UNC13C: variants seen among roughly 807,000 people sequenced by gnomAD.
UNC13C encodes protein unc-13 homolog C.
In UNC13C, 174 loss-of-function variants were observed where a neutral mutation model predicts 245.4. The observed-to-expected ratio is 0.71, with a 90% CI of 0.63 to 0.80. The LOEUF (loss-of-function observed/expected upper bound fraction) is 0.80. UNC13C is among the 30% of genes least tolerant of loss of function. The probability of loss-of-function intolerance (pLI) is 0.00; values close to 1 mark genes in which losing one functional copy is unlikely to be tolerated. For synonymous variants in UNC13C, 992 were observed against 895.1 expected, an observed-to-expected ratio of 1.11 and a Z score of -1.93; for missense variants, 2,829 against 2,602.9, an observed-to-expected ratio of 1.09 and a Z score of -1.89.
At position 54,110,114 on chromosome 15, in the gene UNC13C, C is replaced by A. The variant is rs545735037; in HGVS notation, c.2984-32904C>A. On this transcript the variant is annotated intron_variant, in intron 2 of 32. Transcript: ENST00000260323. The stretch of plus-strand genomic sequence containing the variant: ...CCGATATAGTGGAACCCAGTCTCTA[C>A]TAAAAATATAAAAAAATTAGCCAGG... Among the ~76,000 whole-genome samples, 17 of 151,938 alleles carry A rather than the reference C, an allele frequency of 1.1e-4. No homozygotes were observed. In the East Asian group the frequency reaches 3.1e-3, roughly 28 times the overall value.
intron 4 of UNC13C, among the ~76,000 whole-genome samples, chr15:54,189,366 A>G (rs1010078227): frequency 6.6e-6 from 1 of 152,182 alleles, no homozygotes; most frequent in Admixed American, 6.6e-5. Context: ...TGATGGTACG[A>G]TTTTTTTTAA....
intron 19 of UNC13C, among the ~76,000 whole-genome samples, chr15:54,482,035 C>T (rs551272095): frequency 8.3e-4 from 127 of 152,250 alleles, no homozygotes; most frequent in African/African-American, 2.5e-3. Flanking sequence ...GCAGGTGGCT[C>T]TCAAGCCCTG....
the UNC13C span, among the ~76,000 whole-genome samples, chr15:53,857,809 A>G: frequency 1.3e-5 from 2 of 152,194 alleles, no homozygotes; most frequent in African/African-American, 4.8e-5. Flanking sequence ...TATAAATGTT[A>G]TCTGATTAAC....
chr15:53,923,320 T>C, the UNC13C span, among the ~76,000 whole-genome samples: 1 of 152,242 alleles, frequency 6.6e-6, no homozygotes, highest in Non-Finnish European at 1.5e-5. Flanking sequence ...TGGCATATAA[T>C]AGATGCCCAA....
chr15:54,013,200 C>A lies in UNC13C; in HGVS notation c.297C>A (p.Ala99=). ...SPTFSYRVAI[A]NGLQKNAKVT... is the part of the protein sequence containing the mutation. ...CATTCAGTTACCGAGTAGCTATTGC[C>A]AATGGCCTACAAAAGAATGCTAAAG... The change falls in exon 2 of 33, where the codon GCC becomes GCA. Residue 99 remains alanine (A), a synonymous_variant. Coordinates refer to ENST00000260323, the MANE Select transcript of UNC13C (RefSeq NM_001080534.3). 1 of 1,613,776 alleles carries A rather than the reference C, an allele frequency of 6.2e-7. No homozygotes were observed. The highest frequency in any genetic ancestry group is 8.5e-7 in the Non-Finnish European group (1 of 1,179,838).
chr15:54,368,709 A>T (rs1477324608), intron 17 of UNC13C, among the ~76,000 whole-genome samples: 1 of 152,132 alleles, frequency 6.6e-6, no homozygotes, highest in Admixed American at 6.6e-5. Context: ...TATATGACTG[A>T]TATTTGCACT....
At chr15:54,482,621 C>T (rs1281546056) in intron 19 of UNC13C, among the ~76,000 whole-genome samples, 1 of 152,236 alleles carries the variant, frequency 6.6e-6, no homozygotes, top group Non-Finnish European at 1.5e-5. Context: ...CTGAATTCCA[C>T]TGTTCTCTCC....
At chr15:53,888,927 G>C in the UNC13C span, among the ~76,000 whole-genome samples, 1 of 152,172 alleles carries the variant, frequency 6.6e-6, no homozygotes, top group Non-Finnish European at 1.5e-5. Context: ...TTTGGTACCA[G>C]TACCATGCCG....
intron 19 of UNC13C, among the ~76,000 whole-genome samples, chr15:54,426,768 T>A (rs373490518): frequency 6.6e-6 from 1 of 151,946 alleles, no homozygotes; most frequent in African/African-American, 2.4e-5. Flanking sequence ...TTACCCGCCA[T>A]GCAACACTGA....
At chr15:54,580,349 A>T (rs1054539343) in intron 30 of UNC13C, among the ~76,000 whole-genome samples, 1 of 152,222 alleles carries the variant, frequency 6.6e-6, no homozygotes, top group African/African-American at 2.4e-5. Flanking sequence ...AATATAAGGT[A>T]TGTTAAATGG....
chr15:54,552,578 A>G (rs1246200520), intron 28 of UNC13C, among the ~76,000 whole-genome samples: 1 of 20,298 alleles, frequency 4.9e-5, no homozygotes, highest in Non-Finnish European at 9.1e-5. Flanking sequence ...ATATATAATT[A>G]TATTATATTG....
intron 4 of UNC13C, among the ~76,000 whole-genome samples, chr15:54,152,663 T>C (rs2032572253): frequency 6.6e-6 from 1 of 152,152 alleles, no homozygotes; most frequent in Non-Finnish European, 1.5e-5. Flanking sequence ...ACAGAAAATA[T>C]CATGTTACAT....
At chr15:54,235,245 C>T (rs943007283) in intron 5 of UNC13C, 137 bp downstream of exon 5, 2 of 598,166 alleles carry the variant, frequency 3.3e-6, no homozygotes, top group Non-Finnish European at 5.7e-6. Flanking sequence ...ATGCTACCTG[C>T]TGTTATATTT....
intron 17 of UNC13C, among the ~76,000 whole-genome samples, chr15:54,377,932 C>T (rs2140893998): frequency 6.6e-6 from 1 of 152,108 alleles, no homozygotes; most frequent in East Asian, 1.9e-4. Flanking sequence ...AACTTAGTTA[C>T]AAGTATATAA....
At chr15:54,245,465 A>G (rs1383755190) in intron 7 of UNC13C, among the ~76,000 whole-genome samples, 3 of 152,184 alleles carry the variant, frequency 2.0e-5, no homozygotes, top group African/African-American at 7.2e-5. Context: ...TCACATAGAT[A>G]GGATATAACT....
At position 54,265,364 on chromosome 15, in the gene UNC13C, C is replaced by A; in HGVS notation, c.3686C>A (p.Ala1229Glu). The A allele has an allele frequency of 1.3e-6, 2 of 1,556,028 alleles. No homozygotes were observed. The highest frequency in any genetic ancestry group is 1.7e-6 in the Non-Finnish European group (2 of 1,148,974). Residue 1229 changes from alanine to glutamate, a missense_variant, in exon 10 of 33, where the codon GCA (alanine) becomes GAA (glutamate). Transcript: ENST00000260323. Reference sequence around the variant, plus strand: ...TTTTGGTTTATTTCAGTGGTTTCTGCACAGGGTCTACAGGCAAAAGATAAA... The same window carrying A: ...TTTTGGTTTATTTCAGTGGTTTCTGAACAGGGTCTACAGGCAAAAGATAAA... ...SAKITITVVS[A>E]QGLQAKDKTG...
At chr15:53,845,602 A>G in the UNC13C span, among the ~76,000 whole-genome samples, 3 of 152,204 alleles carry the variant, frequency 2.0e-5, no homozygotes, top group African/African-American at 4.8e-5. Flanking sequence ...TATGCTAAGC[A>G]CGGGTCTAGG....
At chr15:54,170,528 T>G (rs2033357589) in intron 4 of UNC13C, among the ~76,000 whole-genome samples, 1 of 152,218 alleles carries the variant, frequency 6.6e-6, no homozygotes, top group Non-Finnish European at 1.5e-5. Flanking sequence ...TTTCCCTTTT[T>G]AAAATTAAAA....
intron 26 of UNC13C, among the ~76,000 whole-genome samples, chr15:54,537,210 A>G (rs546976441): frequency 2.0e-5 from 3 of 152,020 alleles, no homozygotes; most frequent in Non-Finnish European, 4.4e-5. Context: ...CAAATCGAGA[A>G]CACAGTTCCA....
Sources: allele counts gnomAD v4.1 joint callset (sites outside exome capture counted in the v4.1 genomes callset), GRCh38; gene constraint gnomAD v4.1.1; transcripts MANE v1.5; gene names NCBI Gene and HGNC (gene_info 2026-07-23, HGNC 2026-07-21).